Variants in HS6ST3 observed in about 807,000 individuals in gnomAD.
HS6ST3 encodes heparan-sulfate 6-O-sulfotransferase 3.
Under a neutral mutation model 36.7 loss-of-function variants are expected in HS6ST3, and 12 were observed. The observed-to-expected ratio is 0.33, with a 90% CI of 0.21 to 0.53. The LOEUF (loss-of-function observed/expected upper bound fraction) is 0.53, where lower values mean the gene tolerates loss of function less well. Among genes scored for constraint, HS6ST3 ranks in the 20% least tolerant of loss-of-function variants. The pLI, the probability that HS6ST3 is intolerant of heterozygous loss-of-function variation, is 0.95. For synonymous variants in HS6ST3, 240 were observed against 257.5 expected, an observed-to-expected ratio of 0.93 and a Z score of 0.65; for missense variants, 584 against 640.9, an observed-to-expected ratio of 0.91 and a Z score of 0.96.
At chr13:96,811,016 C>A (rs1385842290) in intron 1 of HS6ST3, among the ~76,000 whole-genome samples, 1 of 152,132 alleles carries the variant, frequency 6.6e-6, no homozygotes, top group Admixed American at 6.5e-5. Flanking sequence ...CCCCCTCCCC[C>A]CAACTCCAAT....
At chr13:96,172,850 A>G (rs1378797990) in intron 1 of HS6ST3, among the ~76,000 whole-genome samples, 1 of 152,220 alleles carries the variant, frequency 6.6e-6, no homozygotes, top group African/African-American at 2.4e-5. Flanking sequence ...ACACAGAAAA[A>G]TAATAATACT....
intron 1 of HS6ST3, among the ~76,000 whole-genome samples, chr13:96,123,281 C>T (rs1211654806): frequency 6.6e-6 from 1 of 152,104 alleles, no homozygotes; most frequent in East Asian, 1.9e-4. Context: ...GTTTGTTTTG[C>T]TTATATTTTT....
At chr13:96,409,022 A>G (rs2055494101) in intron 1 of HS6ST3, among the ~76,000 whole-genome samples, 1 of 152,252 alleles carries the variant, frequency 6.6e-6, no homozygotes, top group African/African-American at 2.4e-5. Flanking sequence ...TATTAGAAAA[A>G]AAGAAATGAA....
At chr13:96,273,576 C>T (rs1271075777) in intron 1 of HS6ST3, among the ~76,000 whole-genome samples, 2 of 151,962 alleles carry the variant, frequency 1.3e-5, no homozygotes, top group African/African-American at 2.4e-5. Flanking sequence ...CTTTAAGCTA[C>T]TGAGGCTTGG....
At chr13:96,634,771 A>G (rs979776194) in intron 1 of HS6ST3, among the ~76,000 whole-genome samples, 1 of 152,030 alleles carries the variant, frequency 6.6e-6, no homozygotes, top group Non-Finnish European at 1.5e-5. Flanking sequence ...CCCACCACCC[A>G]CTAAAGTGGT....
At chr13:96,767,242 C>T (rs1444491211) in intron 1 of HS6ST3, among the ~76,000 whole-genome samples, 1 of 152,180 alleles carries the variant, frequency 6.6e-6, no homozygotes, top group Non-Finnish European at 1.5e-5. Flanking sequence ...TCACCAAATA[C>T]CTTCTATCTA....
chr13:96,730,384 CAT>C (rs994266571), intron 1 of HS6ST3, among the ~76,000 whole-genome samples: 36 of 152,168 alleles, frequency 2.4e-4, no homozygotes, highest in African/African-American at 8.7e-4. Context: ...TTCAGAATCT[CAT>C]AGAGTGCCTT....
intron 1 of HS6ST3, among the ~76,000 whole-genome samples, chr13:96,717,667 G>T (rs1271855329): frequency 6.6e-6 from 1 of 152,100 alleles, no homozygotes; most frequent in Non-Finnish European, 1.5e-5. Context: ...CTCCATGAGG[G>T]AGGCCTTATT....
intron 1 of HS6ST3, among the ~76,000 whole-genome samples, chr13:96,525,129 T>C (rs915575601): frequency 1.1e-4 from 17 of 152,246 alleles, no homozygotes; most frequent in Non-Finnish European, 1.9e-4. Flanking sequence ...CTGGATTATG[T>C]TTTCTCTCGT....
At chr13:96,773,172 G>T (rs1877306832) in intron 1 of HS6ST3, among the ~76,000 whole-genome samples, 1 of 152,246 alleles carries the variant, frequency 6.6e-6, no homozygotes, top group South Asian at 2.1e-4. Context: ...GCACCCTGCA[G>T]ACCAGGAGAT....
chr13:96,408,649 C>T (rs2055490906), intron 1 of HS6ST3, among the ~76,000 whole-genome samples: 1 of 152,210 alleles, frequency 6.6e-6, no homozygotes, highest in South Asian at 2.1e-4. Context: ...TCAGGTCAGG[C>T]ATGGTGGCTC....
intron 1 of HS6ST3, among the ~76,000 whole-genome samples, chr13:96,688,806 G>A (rs1404990038): frequency 6.6e-6 from 1 of 152,052 alleles, no homozygotes; most frequent in African/African-American, 2.4e-5. Flanking sequence ...TCCACCCAGT[G>A]TGGTTAGAGT....
intron 1 of HS6ST3, among the ~76,000 whole-genome samples, chr13:96,429,996 C>T (rs1403093709): frequency 6.6e-6 from 1 of 152,160 alleles, no homozygotes. Context: ...AATATAGGGG[C>T]TCATTCATAG....
At chr13:96,789,364 C>T (rs148852069) in intron 1 of HS6ST3, among the ~76,000 whole-genome samples, 283 of 151,720 alleles carry the variant, frequency 1.9e-3, no homozygotes, top group African/African-American at 6.3e-3. Context: ...CATTGAAACC[C>T]CAGTCTGACA....
chr13:96,500,979 GCT>G (rs144806272), intron 1 of HS6ST3, among the ~76,000 whole-genome samples: 1 of 151,386 alleles, frequency 6.6e-6, no homozygotes. Flanking sequence ...GCAATCTCAA[GCT>G]CTCTCTCTCT....
chr13:96,831,364 A>T (rs1878776198), intron 1 of HS6ST3, among the ~76,000 whole-genome samples: 1 of 152,324 alleles, frequency 6.6e-6, no homozygotes, highest in East Asian at 1.9e-4. Flanking sequence ...TACCAATATG[A>T]TGTACAGGAA....
chr13:96,231,515 C>T (rs139128829), intron 1 of HS6ST3, among the ~76,000 whole-genome samples: 108 of 151,932 alleles, frequency 7.1e-4, no homozygotes, highest in African/African-American at 2.3e-3. Flanking sequence ...AGGAGGAAGG[C>T]GGGAGGGGAG....
chr13:96,603,151 C>G (rs1173174476), intron 1 of HS6ST3, among the ~76,000 whole-genome samples: 1 of 152,132 alleles, frequency 6.6e-6, no homozygotes, highest in Non-Finnish European at 1.5e-5. Context: ...CAATGGGACT[C>G]TACCTGTGTA....
At chr13:96,601,390 T>C (rs2138982443) in intron 1 of HS6ST3, among the ~76,000 whole-genome samples, 1 of 152,252 alleles carries the variant, frequency 6.6e-6, no homozygotes, top group South Asian at 2.1e-4. Flanking sequence ...TTCTTTCTTC[T>C]ACTTGGTCTA....
Sources: allele counts gnomAD v4.1 joint callset (sites outside exome capture counted in the v4.1 genomes callset), GRCh38; gene constraint gnomAD v4.1.1; transcripts MANE v1.5; gene names NCBI Gene and HGNC (gene_info 2026-07-23, HGNC 2026-07-21).